GGT1: variants seen among roughly 807,000 people sequenced by gnomAD.
The protein encoded by GGT1 is gamma-glutamyltransferase 1.
A neutral mutation model predicts 56.0 loss-of-function variants in GGT1; 21 were observed. That is an observed-to-expected ratio of 0.38 (90% confidence interval 0.27 to 0.54). The LOEUF (loss-of-function observed/expected upper bound fraction) is 0.54. Among genes scored for constraint, GGT1 ranks in the 20% least tolerant of loss-of-function variants. The pLI, the probability that GGT1 is intolerant of heterozygous loss-of-function variation, is 0.82. For missense variants in GGT1, 466 were observed against 787.0 expected, an observed-to-expected ratio of 0.59 and a Z score of 4.88; for synonymous variants, 238 against 342.6, an observed-to-expected ratio of 0.69 and a Z score of 3.37.
upstream of GGT1, chr22:24,593,050 C>A (rs2045621853): frequency 8.6e-6 from 9 of 1,040,958 alleles, no homozygotes; most frequent in South Asian, 1.3e-4. Context: ...GGCCGCCGCG[C>A]GATGGTCGCC....
the GGT1 span, among the ~76,000 whole-genome samples, chr22:24,583,984 C>T: frequency 2.0e-4 from 31 of 152,202 alleles, no homozygotes; most frequent in African/African-American, 7.2e-4. Context: ...GGCCCAGGGC[C>T]GGCTCTCATA....
chr22:24,589,590 G>T, the GGT1 span: 1 of 535,954 alleles, frequency 1.9e-6, no homozygotes, highest in Non-Finnish European at 3.0e-6. Flanking sequence ...ACAGAAAATG[G>T]GTCTGCCCAG....
At chr22:24,595,380 C>T (rs1271500774) in intron 1 of GGT1, among the ~76,000 whole-genome samples, 1 of 152,206 alleles carries the variant, frequency 6.6e-6, no homozygotes, top group Non-Finnish European at 1.5e-5. Flanking sequence ...GGCATGATTC[C>T]ACCTCGCTAG....
chr22:24,592,502 C>T (rs2045600639), upstream of GGT1: 52 of 443,578 alleles, frequency 1.2e-4, 1 homozygote, highest in South Asian at 8.8e-4. Context: ...TCCTCCCGGG[C>T]CCCTCCCATC....
In GGT1 at chr22:24,623,089, G is replaced by T. The variant is rs754231572; in HGVS notation, c.734-18G>T. 1 of 1,611,856 alleles carries T rather than the reference G, an allele frequency of 6.2e-7. No individual in the cohort carries two copies. On this transcript the variant is annotated intron_variant, in intron 9 of 15. Transcript: ENST00000400382. ...CAGCCCCATCCCAGCACCCATTTGAGCTGCTGTCCCATTGCAGGGGGCATT... is the reference window on the plus strand; with the variant it reads ...CAGCCCCATCCCAGCACCCATTTGATCTGCTGTCCCATTGCAGGGGGCATT...
In GGT1 at chr22:24,626,944, C is replaced by T. The variant is rs9624512; in HGVS notation, c.1021-488C>T. On this transcript the variant is annotated intron_variant, in intron 11 of 15. Transcript: ENST00000400382. The stretch of plus-strand genomic sequence containing the variant: ...GGGCCTTTGCACTGACCATTTAGGC[C>T]ACATTCCAGGCTCTTTTCACACGTT... Among the ~76,000 whole-genome samples the T allele has an allele frequency of 6.8e-3, 1,008 of 147,406 alleles. 4 individuals are homozygous for T. Among genetic ancestry groups the T allele is most frequent in the Non-Finnish European group, 0.011 (727 of 67,212 alleles).
At chr22:24,594,384 CGTGTGTATGTGTGTGT>C (rs1718717794), upstream of GGT1, among the ~76,000 whole-genome samples, 1 of 140,082 alleles carries the variant, frequency 7.1e-6, no homozygotes, top group South Asian at 2.3e-4. Flanking sequence ...GCCAAGCACC[CGTGTGTATGTGTGTGT>C]GTGTGTGTGT....
At position 24,628,320 on chromosome 22, in the gene GGT1, G is replaced by A. The variant is rs775363985; in HGVS notation, c.1495G>A (p.Val499Met). The stretch of plus-strand genomic sequence containing the variant: ...GTTCGGCTATGACGTGAAGCGGGCC[G>A]TGGAGGAGCCCCGGCTGCACAACCA... ...LWFGYDVKRA[V>M]EEPRLHNQLL... The change falls in exon 15 of 16, where the codon GTG becomes ATG. Residue 499 changes from valine to methionine, a missense_variant. Physicochemically the swap from Val to Met is conservative, Grantham distance 21. Coordinates refer to ENST00000400382, the MANE Select transcript of GGT1 (RefSeq NM_001288833.2). The surrounding 1 kb of genome is among the most constrained non-coding windows in gnomAD (Gnocchi z 5.7). 31 of 1,611,846 alleles carry A rather than the reference G, an allele frequency of 1.9e-5. No individual in the cohort carries two copies. Among genetic ancestry groups the A allele is most frequent in the East Asian group, 4.5e-5 (2 of 44,880 alleles).
At chr22:24,625,286 T>A (rs1190682250) in intron 11 of GGT1, among the ~76,000 whole-genome samples, 2 of 152,156 alleles carry the variant, frequency 1.3e-5, no homozygotes, top group Admixed American at 1.3e-4. Context: ...TTTTGTTGTG[T>A]TTTTGTTTGT....
At chr22:24,595,492 G>A (rs1171834186) in intron 1 of GGT1, among the ~76,000 whole-genome samples, 1 of 152,198 alleles carries the variant, frequency 6.6e-6, no homozygotes, top group Admixed American at 6.5e-5. Flanking sequence ...GAGGGATTGC[G>A]ATGTTGTCCT....
the GGT1 span, chr22:24,583,883 C>T: frequency 5.9e-5 from 26 of 444,196 alleles, no homozygotes; most frequent in Non-Finnish European, 9.3e-5. Context: ...GTCAGCAGGG[C>T]GCAAGGGACT....
chr22:24,610,733 C>G (rs956047893), intron 4 of GGT1, among the ~76,000 whole-genome samples: 3 of 141,342 alleles, frequency 2.1e-5, no homozygotes, highest in Non-Finnish European at 4.7e-5. Flanking sequence ...AGTGGAGGCT[C>G]AGCCACTGTA....
At chr22:24,586,463 A>G in the GGT1 span, 2 of 1,557,894 alleles carry the variant, frequency 1.3e-6, no homozygotes, top group Middle Eastern at 3.5e-4. Context: ...CAGTCCCCCC[A>G]CTGACCACAG....
chr22:24,593,159 G>A, upstream of GGT1: 1 of 966,064 alleles, frequency 1.0e-6, no homozygotes, highest in Non-Finnish European at 1.2e-6. Flanking sequence ...CGGGTCCGAA[G>A]GCTGAGCGCC....
chr22:24,625,572 C>G (rs993281284), intron 11 of GGT1, among the ~76,000 whole-genome samples: 13 of 151,554 alleles, frequency 8.6e-5, no homozygotes, highest in African/African-American at 2.9e-4. Flanking sequence ...GACAGAGTCT[C>G]GCTCTGTTGC....
upstream of GGT1, among the ~76,000 whole-genome samples, chr22:24,602,305 C>A (rs1184013876): frequency 6.6e-6 from 1 of 152,200 alleles, no homozygotes; most frequent in Non-Finnish European, 1.5e-5. Context: ...AGGGCTCTTC[C>A]CCCTGGGGTG....
Position 24,627,943 on chromosome 22 carries a change from G to T in GGT1, c.1300G>T (p.Gly434Trp), listed in dbSNP as rs1274383687. 2 of 1,613,826 alleles carry T rather than the reference G, an allele frequency of 1.2e-6. No individual in the cohort carries two copies. Among genetic ancestry groups the T allele is most frequent in the Non-Finnish European group, 1.7e-6 (2 of 1,179,838 alleles). ...FSSPSITNEF[G>W]VPPSPANFIQ... Reference sequence around the variant, plus strand: ...CTCTCCCAGCATCACCAACGAGTTTGGGGTACCCCCCTCACCTGCCAATTT... The same window carrying T: ...CTCTCCCAGCATCACCAACGAGTTTTGGGTACCCCCCTCACCTGCCAATTT... The change falls in exon 13 of 16, where the codon GGG becomes TGG. Residue 434 changes from glycine (G) to tryptophan (W), a missense_variant. Gly to Trp is a radical substitution (Grantham distance 184). This residue lies in a region of GGT1 where 456 missense variants were observed against 716.7 expected (regional missense o/e 0.64). Transcript: ENST00000400382.
chr22:24,615,272 C>T, intron 7 of GGT1, 145 bp downstream of exon 7: 2 of 631,164 alleles, frequency 3.2e-6, no homozygotes, highest in Non-Finnish European at 5.7e-6. Flanking sequence ...AGCACCCTCC[C>T]ACAATGAGTG....
At chr22:24,611,531 CT>C (rs1373944820) in intron 5 of GGT1, among the ~76,000 whole-genome samples, 1 of 129,336 alleles carries the variant, frequency 7.7e-6, no homozygotes, top group African/African-American at 3.6e-5. Context: ...ATCTATCTAT[CT>C]ATCTATCTAT....
Sources: gnomAD v4.1 joint callset for allele counts (sites outside exome capture counted in the v4.1 genomes callset) on GRCh38, gnomAD v4.1.1 for gene constraint, gnomAD v4.1.1 regional missense constraint, Gnocchi (gnomAD v3.1) non-coding constraint, MANE v1.5 for transcripts, NCBI Gene and HGNC (gene_info 2026-07-23, HGNC 2026-07-21) for gene names.